ERAP1: variants seen among roughly 807,000 people sequenced by gnomAD.
The protein encoded by ERAP1 is adipocyte-derived leucine aminopeptidase.
A neutral mutation model predicts 103.7 loss-of-function variants in ERAP1; 86 were observed. The ratio of observed to expected loss-of-function variants is 0.83; its 90% confidence interval spans 0.70 to 0.99. The LOEUF is 0.99. Among genes scored for constraint, ERAP1 ranks in the 50% least tolerant of loss-of-function variants. The pLI, the probability that ERAP1 is intolerant of heterozygous loss-of-function variation, is 0.00. For synonymous variants in ERAP1, 398 were observed against 402.4 expected, an observed-to-expected ratio of 0.99 and a Z score of 0.13; for missense variants, 1,009 against 1,128.4, an observed-to-expected ratio of 0.89 and a Z score of 1.52.
the ERAP1 span, among the ~76,000 whole-genome samples, chr5:96,931,740 G>A: frequency 3.3e-5 from 5 of 152,178 alleles, no homozygotes; most frequent in Non-Finnish European, 7.3e-5. Flanking sequence ...AAAGAGACAC[G>A]GAAGAGTAAG....
At chr5:96,830,311 G>GAAAAAAA in the ERAP1 span, among the ~76,000 whole-genome samples, 2 of 152,186 alleles carry the variant, frequency 1.3e-5, no homozygotes, top group African/African-American at 4.8e-5. Context: ...CTCTTTGGAG[G>GAAAAAAA]AAAATAATAC....
At chr5:96,877,259 G>A in the ERAP1 span, among the ~76,000 whole-genome samples, 1 of 152,200 alleles carries the variant, frequency 6.6e-6, no homozygotes, top group African/African-American at 2.4e-5. Context: ...ACAGACCTGA[G>A]TCACTGTGCC....
chr5:96,787,875 TAGAG>T (rs138623317), intron 11 of ERAP1, among the ~76,000 whole-genome samples: 65 of 147,952 alleles, frequency 4.4e-4, no homozygotes, highest in African/African-American at 1.3e-3. Flanking sequence ...CATATATATA[TAGAG>T]AGAGAGAGAG....
the ERAP1 span, among the ~76,000 whole-genome samples, chr5:96,825,859 CA>C: frequency 0.66 from 100,115 of 151,284 alleles, 33,506 homozygotes; most frequent in Non-Finnish European, 0.72. Context: ...GTTTAAACAT[CA>C]AAAAAAAAAC....
chr5:96,891,300 T>C, the ERAP1 span, among the ~76,000 whole-genome samples: 3 of 151,642 alleles, frequency 2.0e-5, no homozygotes, highest in Non-Finnish European at 4.4e-5. Flanking sequence ...GTGAAATCAT[T>C]AGCAAAGGAT....
At chr5:96,777,256 A>G (rs1466266345) in intron 18 of ERAP1, among the ~76,000 whole-genome samples, 3 of 152,174 alleles carry the variant, frequency 2.0e-5, no homozygotes, top group African/African-American at 7.2e-5. Context: ...CACAAGATTG[A>G]CCATTGTGCG....
At chr5:96,879,496 A>G in the ERAP1 span, 2 of 551,896 alleles carry the variant, frequency 3.6e-6, no homozygotes, top group Non-Finnish European at 6.4e-6. Flanking sequence ...ACCTTTTTAC[A>G]TGTTTAAGAT....
At chr5:96,843,559 G>A in the ERAP1 span, among the ~76,000 whole-genome samples, 2 of 152,182 alleles carry the variant, frequency 1.3e-5, no homozygotes, top group Non-Finnish European at 1.5e-5. Flanking sequence ...TTACTTGGGC[G>A]TGGAAAGTTG....
chr5:96,912,702 A>G, the ERAP1 span: 1 of 1,608,692 alleles, frequency 6.2e-7, no homozygotes, highest in Non-Finnish European at 8.5e-7. Context: ...GGATGGAATT[A>G]CCTTTTAGAG....
At chr5:96,892,285 T>C in the ERAP1 span, 2 of 1,613,376 alleles carry the variant, frequency 1.2e-6, no homozygotes, top group South Asian at 1.1e-5. Flanking sequence ...AGTATGGTTG[T>C]TCTTATTTCT....
At chr5:96,764,805 T>C (rs1769268195) in intron 19 of ERAP1, among the ~76,000 whole-genome samples, 1 of 152,206 alleles carries the variant, frequency 6.6e-6, no homozygotes, top group South Asian at 2.1e-4. Flanking sequence ...AGTAGATGTT[T>C]GTTTTCATAT....
chr5:96,863,202 G>A, the ERAP1 span, among the ~76,000 whole-genome samples: 1 of 151,702 alleles, frequency 6.6e-6, no homozygotes, highest in African/African-American at 2.4e-5. Flanking sequence ...TCCATTCTAA[G>A]TACCCAAGGC....
In ERAP1 at chr5:96,790,315, T is replaced by C; in HGVS notation, c.1505A>G (p.Gln502Arg). 6.2e-7 allele frequency: 1 copy of C among 1,614,124 alleles called. No homozygotes were observed. The highest frequency in any genetic ancestry group is 8.5e-7 in the Non-Finnish European group (1 of 1,180,014). The change falls in exon 10 of 19, where the codon CAA (glutamine) becomes CGA (arginine). Residue 502 changes from glutamine to arginine, a missense_variant. Coordinates refer to ENST00000443439, the MANE Select transcript of ERAP1 (RefSeq NM_001040458.3). Reference sequence around the variant, plus strand: ...ACTTACTGAGGATGAAGATGAATGTTGACTTCTAGAGCAAAAGCCATCCAT... The same window carrying C: ...ACTTACTGAGGATGAAGATGAATGTCGACTTCTAGAGCAAAAGCCATCCAT... ...KGMDGFCSRSQHSSSSSHWHQ... is the reference protein window; with the variant it reads ...KGMDGFCSRSRHSSSSSHWHQ...
intron 19 of ERAP1, chr5:96,767,457 C>G (rs1770399518): frequency 6.2e-7 from 1 of 1,612,712 alleles, no homozygotes; most frequent in African/African-American, 1.3e-5. Flanking sequence ...GTGAAGCCAC[C>G]TACAAAGAAA....
At chr5:96,808,419 T>C (rs992074848), upstream of ERAP1, among the ~76,000 whole-genome samples, 1 of 151,926 alleles carries the variant, frequency 6.6e-6, no homozygotes, top group Admixed American at 6.6e-5. Flanking sequence ...CCCATTGGAC[T>C]CGCTGGGTGT....
the ERAP1 span, chr5:96,883,913 C>G: frequency 6.2e-7 from 1 of 1,610,592 alleles, no homozygotes; most frequent in Non-Finnish European, 8.5e-7. Flanking sequence ...GCATATTGCA[C>G]TATCCAACAT....
the ERAP1 span, chr5:96,823,107 A>G: frequency 2.2e-6 from 1 of 456,188 alleles, no homozygotes; most frequent in African/African-American, 2.0e-5. Context: ...GGGATCCCCC[A>G]GCGTGGCTGC....
chr5:96,878,653 C>T, the ERAP1 span, among the ~76,000 whole-genome samples: 1 of 151,974 alleles, frequency 6.6e-6, no homozygotes, highest in Non-Finnish European at 1.5e-5. Flanking sequence ...TATGGCCAGG[C>T]GCAGTGACCC....
the ERAP1 span, among the ~76,000 whole-genome samples, chr5:96,857,707 A>G: frequency 6.6e-6 from 1 of 152,240 alleles, no homozygotes; most frequent in African/African-American, 2.4e-5. Flanking sequence ...TCTATAATCT[A>G]TGCCTCTTGC....
Sources: gnomAD v4.1 joint callset for allele counts (sites outside exome capture counted in the v4.1 genomes callset) on GRCh38, gnomAD v4.1.1 for gene constraint, MANE v1.5 for transcripts, NCBI Gene and HGNC (gene_info 2026-07-23, HGNC 2026-07-21) for gene names.